Variants in MMP20 observed in about 807,000 individuals in gnomAD.
MMP20 encodes the protein matrix metallopeptidase 20, also known as matrix metalloproteinase-20.
A neutral mutation model predicts 51.8 loss-of-function variants in MMP20; 50 were observed. The observed-to-expected ratio is 0.97, with a 90% CI of 0.77 to 1.22. MMP20 has a LOEUF of 1.22. Among genes scored for constraint, MMP20 ranks in the 50% most tolerant of loss-of-function variants. The pLI is 0.00. For synonymous variants in MMP20, 244 were observed against 216.2 expected (o/e 1.13, Z -1.13); for missense variants, 663 against 601.4 (o/e 1.10, Z -1.07).
Position 102,577,074 on chromosome 11 carries a change from T to C in MMP20, c.*252A>G. On this transcript the variant is annotated 3_prime_UTR_variant, in exon 10 of 10. Coordinates refer to ENST00000260228, the MANE Select transcript of MMP20 (RefSeq NM_004771.4). ...TTAGGTAAGAAAAAATAATGGTGTC[T>C]AACTGCAGAGTGCATTGTGTTGATT... 4.4e-6 allele frequency: 2 copies of C among 459,566 alleles called. No homozygotes were observed. Among genetic ancestry groups the C allele is most frequent in the Non-Finnish European group, 8.0e-6 (2 of 250,680 alleles). The allele number at this position is 459,566 out of a possible 1,614,324, so 28.5% of individuals were successfully genotyped here.
At chr11:102,595,971 T>C (rs747464485) in intron 6 of MMP20, among the ~76,000 whole-genome samples, 4 of 152,246 alleles carry the variant, frequency 2.6e-5, no homozygotes, top group Admixed American at 6.5e-5. Flanking sequence ...CCAAATTTTA[T>C]GTAGAGTTTT....
At chr11:102,620,795 G>T (rs1209817237) in intron 1 of MMP20, among the ~76,000 whole-genome samples, 2 of 152,112 alleles carry the variant, frequency 1.3e-5, no homozygotes, top group African/African-American at 4.8e-5. Flanking sequence ...TCAGGTTTGG[G>T]GCCACGACTA....
At chr11:102,620,097 T>C (rs1376308750) in intron 1 of MMP20, among the ~76,000 whole-genome samples, 1 of 152,184 alleles carries the variant, frequency 6.6e-6, no homozygotes, top group Non-Finnish European at 1.5e-5. Flanking sequence ...CACTCTCACC[T>C]GCTTGTTTGC....
chr11:102,591,066 T>C (rs889765180), intron 8 of MMP20, among the ~76,000 whole-genome samples: 2 of 152,228 alleles, frequency 1.3e-5, no homozygotes, highest in Non-Finnish European at 2.9e-5. Context: ...AGTGGCTAAA[T>C]TAAATTTCAA....
At position 102,577,133 on chromosome 11, in the gene MMP20, T is replaced by A; in HGVS notation, c.*193A>T. 1.8e-6 allele frequency: 1 copy of A among 570,302 alleles called. No homozygotes were observed. Among genetic ancestry groups the A allele is most frequent in the Non-Finnish European group, 3.1e-6 (1 of 319,648 alleles). The allele number at this position is 570,302 out of a possible 1,614,324, so 35.3% of individuals were successfully genotyped here. On this transcript the variant is annotated 3_prime_UTR_variant, in exon 10 of 10. Transcript: ENST00000260228. ...GCATAAAGTTGCCCATATAAAAACT[T>A]TTCTAATGTGGATTGAAATTCTGAT...
At chr11:102,595,053 C>G (rs950110912) in intron 6 of MMP20, among the ~76,000 whole-genome samples, 15 of 152,056 alleles carry the variant, frequency 9.9e-5, no homozygotes, top group African/African-American at 2.9e-4. Context: ...TCCCGAATAA[C>G]TGGGGCTACA....
rs144840227 is a variant in MMP20 at position 102,621,127 on chromosome 11, C to G, written c.126+4067G>C. Among the ~76,000 whole-genome samples, 43 of 152,336 alleles carry G rather than the reference C, an allele frequency of 2.8e-4. No individual in the cohort carries two copies. In the Middle Eastern group the frequency reaches 0.01, roughly 36 times the overall value. On this transcript the variant is annotated intron_variant, in intron 1 of 9. Transcript: ENST00000260228. ...GCAAGATGGATACCTTTGGCTCTCT[C>G]TCTATTTCTCTGGGTGAGAGGACTC... is the stretch of plus-strand genomic sequence containing the variant.
chr11:102,608,472 G>A (rs1375834130), intron 5 of MMP20, among the ~76,000 whole-genome samples: 1 of 152,184 alleles, frequency 6.6e-6, no homozygotes, highest in Admixed American at 6.5e-5. Context: ...CCACAGGTTG[G>A]TTGTGAGGCT....
rs1002194833 is a variant in MMP20 at position 102,611,770 on chromosome 11, A to T, written c.508T>A (p.Ser170Thr). The change falls in exon 3 of 10, where the codon TCT becomes ACT. Residue 170 changes from serine (S) to threonine (T), a missense_variant. Coordinates refer to ENST00000260228, the MANE Select transcript of MMP20 (RefSeq NM_004771.4). ...ACCACAATACCTCCATTTTCAAAAG[A>T]TATCATAATATCCGCTTCTCCTGAG... ...INSGEADIMI[S>T]FENGDHGDSY... 5.0e-6 allele frequency: 8 copies of T among 1,614,168 alleles called. No individual in the cohort carries two copies. Among genetic ancestry groups the T allele is most frequent in the Non-Finnish European group, 6.8e-6 (8 of 1,180,038 alleles).
Position 102,576,968 on chromosome 11 carries a change from A to G in MMP20, c.*358T>C, listed in dbSNP as rs1859133019. The G allele has an allele frequency of 4.4e-6, 1 of 228,946 alleles. No individual in the cohort carries two copies. The highest frequency in any genetic ancestry group is 8.8e-6 in the Non-Finnish European group (1 of 114,254). 14.2% of individuals were successfully genotyped at this position (228,946 alleles called of 1,614,324 possible). Reference sequence around the variant, plus strand: ...CTGTAATGACATTTCCTATGAAAAGAATTACAATATATGTCATGGAATCCA... The same window carrying G: ...CTGTAATGACATTTCCTATGAAAAGGATTACAATATATGTCATGGAATCCA... On this transcript the variant is annotated 3_prime_UTR_variant, in exon 10 of 10. Transcript: ENST00000260228.
At chr11:102,580,516 A>G (rs1018378972) in intron 8 of MMP20, among the ~76,000 whole-genome samples, 2 of 152,248 alleles carry the variant, frequency 1.3e-5, no homozygotes, top group Non-Finnish European at 2.9e-5. Context: ...AAAGGCAAAC[A>G]TTGAAAAAGA....
chr11:102,577,839 C>T (rs569316869), intron 9 of MMP20, among the ~76,000 whole-genome samples: 1 of 152,326 alleles, frequency 6.6e-6, no homozygotes, highest in South Asian at 2.1e-4. Flanking sequence ...CTCAGATCAG[C>T]TCTTGCAATT....
rs912480579 is a variant in MMP20, at chr11:102,609,839, G to A, written c.649+66C>T. ...GTGGCTTGGGACGTTGAACCTCAAG[G>A]TTTCATGATGGAGCCCAGAAGAAGG... is the stretch of plus-strand genomic sequence containing the variant. On this transcript the variant is annotated intron_variant, in intron 4 of 9. Coordinates refer to ENST00000260228, the MANE Select transcript of MMP20 (RefSeq NM_004771.4). The A allele has an allele frequency of 4.4e-5, 71 of 1,610,078 alleles. No homozygotes were observed. In the Middle Eastern group the frequency reaches 4.9e-4, roughly 11 times the overall value.
intron 6 of MMP20, among the ~76,000 whole-genome samples, chr11:102,598,104 A>G (rs1332983669): frequency 6.6e-6 from 1 of 152,228 alleles, no homozygotes; most frequent in Non-Finnish European, 1.5e-5. Context: ...GTAGTCATGA[A>G]AAATTTCAGT....
At chr11:102,597,936 T>A (rs890908913) in intron 6 of MMP20, among the ~76,000 whole-genome samples, 1 of 151,930 alleles carries the variant, frequency 6.6e-6, no homozygotes, top group Non-Finnish European at 1.5e-5. Flanking sequence ...CCCGGCTAAT[T>A]TTGTATTTTT....
rs1168517234 is a variant in MMP20 at position 102,601,125 on chromosome 11, C to CTTTTTTTTTTTTTTTTTTTTT, written c.953+5389_953+5409dup. On this transcript the variant is annotated intron_variant, in intron 6 of 9. Coordinates refer to ENST00000260228, the MANE Select transcript of MMP20 (RefSeq NM_004771.4). ...AAATGACCACGAAGTGTCGGCTATT[C>CTTTTTTTTTTTTTTTTTTTTT]TTTTTTTTTTTTTTTTTTTTTTTTT... Among the ~76,000 whole-genome samples the CTTTTTTTTTTTTTTTTTTTTT allele has an allele frequency of 2.8e-4, 8 of 28,266 alleles. 1 individual carries two copies. Among genetic ancestry groups the CTTTTTTTTTTTTTTTTTTTTT allele is most frequent in the Admixed American group, 4.9e-4 (1 of 2,028 alleles). 18.5% of individuals were successfully genotyped at this position (28,266 alleles called of 152,430 possible).
chr11:102,578,136 C>G (rs1859147971), intron 9 of MMP20, among the ~76,000 whole-genome samples: 1 of 146,298 alleles, frequency 6.8e-6, no homozygotes, highest in Non-Finnish European at 1.5e-5. Flanking sequence ...CACTGAGAAG[C>G]TTGAGACAGA....
chr11:102,592,773 AG>A (rs781659166), intron 8 of MMP20, among the ~76,000 whole-genome samples: 2 of 152,224 alleles, frequency 1.3e-5, no homozygotes, highest in Non-Finnish European at 2.9e-5. Context: ...TGATCTTTGA[AG>A]GAGCTCCTCT....
intron 6 of MMP20, among the ~76,000 whole-genome samples, chr11:102,604,513 C>T (rs551777073): frequency 1.3e-5 from 2 of 152,306 alleles, no homozygotes; most frequent in Admixed American, 1.3e-4. Flanking sequence ...AGAATAGTAA[C>T]TGCCATTTAT....
Sources: gnomAD v4.1 joint callset for allele counts (sites outside exome capture counted in the v4.1 genomes callset) on GRCh38, gnomAD v4.1.1 for gene constraint, MANE v1.5 for transcripts, NCBI Gene and HGNC (gene_info 2026-07-23, HGNC 2026-07-21) for gene names.